RAD9B: variants seen among roughly 807,000 people sequenced by gnomAD.
The protein encoded by RAD9B is RAD9 checkpoint clamp component B, also known as cell cycle checkpoint control protein RAD9B.
RAD9B carries 41 observed loss-of-function variants against 48.3 expected under a neutral mutation model. The observed-to-expected ratio is 0.85, with a 90% CI of 0.66 to 1.10. The LOEUF (loss-of-function observed/expected upper bound fraction) is 1.10. Ranked by LOEUF, RAD9B falls within the 50% of genes least tolerant of loss-of-function variation. The pLI is 0.00. For synonymous variants in RAD9B, 160 were observed against 157.9 expected, an observed-to-expected ratio of 1.01 and a Z score of -0.10; for missense variants, 444 against 485.1, an observed-to-expected ratio of 0.92 and a Z score of 0.80.
chr12:110,528,577 C>T (rs957712773), intron 10 of RAD9B, among the ~76,000 whole-genome samples: 2 of 152,162 alleles, frequency 1.3e-5, no homozygotes, highest in East Asian at 3.8e-4. Flanking sequence ...GCTGGCTGAG[C>T]TGAGATTAGC....
chr12:110,507,064 T>C (rs1018056167), intron 4 of RAD9B, among the ~76,000 whole-genome samples: 19 of 152,006 alleles, frequency 1.2e-4, no homozygotes, highest in African/African-American at 4.1e-4. Context: ...GATCTCGAAC[T>C]CCTGACCTCA....
rs774028546 is a variant in RAD9B, at chr12:110,530,531, T to G, written c.1132T>G (p.Cys378Gly). ...GTTCCTTTTTTCCCTCCAGTTTTCTTGCATGTTCTTTGGAGCAGTTTCTTC... is the reference window on the plus strand; with the variant it reads ...GTTCCTTTTTTCCCTCCAGTTTTCTGGCATGTTCTTTGGAGCAGTTTCTTC... Reference protein sequence around the residue: ...PGSLCLRKFSCMFFGAVSSDQ... With the variant: ...PGSLCLRKFSGMFFGAVSSDQ... Residue 378 changes from cysteine (C) to glycine (G), a missense_variant, in exon 11 of 11, where the codon TGC becomes GGC. Coordinates refer to ENST00000409300, the MANE Select transcript of RAD9B (RefSeq NM_001286535.2). 3.1e-6 allele frequency: 5 copies of G among 1,613,794 alleles called. No individual in the cohort carries two copies. The highest frequency in any genetic ancestry group is 3.4e-6 in the Non-Finnish European group (4 of 1,179,810).
intron 10 of RAD9B, among the ~76,000 whole-genome samples, chr12:110,523,656 CA>C (rs1344419315): frequency 1.3e-5 from 2 of 152,132 alleles, no homozygotes; most frequent in African/African-American, 4.8e-5. Flanking sequence ...TTTTTCTAGT[CA>C]CACATATTGT....
intron 5 of RAD9B, 21 bp from the exon 6 acceptor site, chr12:110,515,029 A>T: frequency 1.4e-6 from 2 of 1,394,364 alleles, no homozygotes; most frequent in Non-Finnish European, 9.9e-7. Flanking sequence ...TAATGTTAAT[A>T]CTGTTCTTTA....
chr12:110,529,954 C>T (rs1308014113), intron 10 of RAD9B, among the ~76,000 whole-genome samples: 1 of 152,136 alleles, frequency 6.6e-6, no homozygotes, highest in African/African-American at 2.4e-5. Flanking sequence ...CTGGTGGAAG[C>T]TTTGATGGCT....
At position 110,530,806 on chromosome 12, in the gene RAD9B, C is replaced by G. The variant is rs2064117451; in HGVS notation, c.*153C>G. 1 of 1,425,558 alleles carries G rather than the reference C, an allele frequency of 7.0e-7. No individual in the cohort carries two copies. The highest frequency in any genetic ancestry group is 9.2e-7 in the Non-Finnish European group (1 of 1,091,306). 88.3% of individuals were successfully genotyped at this position (1,425,558 alleles called of 1,614,324 possible). A position where few individuals can be genotyped will look rare whatever the true frequency, so the allele number is the denominator to read the frequency against. On this transcript the variant is annotated 3_prime_UTR_variant, in exon 11 of 11. Transcript: ENST00000409300. ...AAACCACATCATCTTGTACAACAAC[C>G]ATATCTAGAAATAGCTGTTTGTCAA...
chr12:110,529,349 T>C (rs902671999), intron 10 of RAD9B, among the ~76,000 whole-genome samples: 2 of 151,890 alleles, frequency 1.3e-5, no homozygotes, highest in Admixed American at 1.3e-4. Context: ...TTCACTATGT[T>C]GGCCAGGCTG....
chr12:110,520,675 G>C (rs1473694458), intron 9 of RAD9B, among the ~76,000 whole-genome samples: 39 of 118,070 alleles, frequency 3.3e-4, no homozygotes, highest in African/African-American at 1.2e-3. Context: ...TTTTGAGACA[G>C]AATCTCACTC....
chr12:110,504,650 C>T (rs931582901), intron 2 of RAD9B, among the ~76,000 whole-genome samples: 2 of 152,010 alleles, frequency 1.3e-5, no homozygotes, highest in African/African-American at 2.4e-5. Flanking sequence ...CTGTAACTCC[C>T]TTATATATTG....
intron 10 of RAD9B, among the ~76,000 whole-genome samples, chr12:110,523,174 G>A (rs770387886): frequency 2.3e-4 from 35 of 152,084 alleles, no homozygotes; most frequent in Non-Finnish European, 4.3e-4. Flanking sequence ...AGTGACTCAC[G>A]CCTGTAACCC....
At chr12:110,518,376 CA>C (rs2063673732) in intron 6 of RAD9B, among the ~76,000 whole-genome samples, 1 of 151,844 alleles carries the variant, frequency 6.6e-6, no homozygotes, top group African/African-American at 2.4e-5. Context: ...AAGAAGAAAA[CA>C]AAAAATTTAT....
Position 110,530,325 on chromosome 12 carries a change from G to A in RAD9B, c.1126-200G>A, listed in dbSNP as rs192943369. Among the ~76,000 whole-genome samples, 352 of 152,220 alleles carry A rather than the reference G, an allele frequency of 2.3e-3. 2 individuals carry two copies. Among genetic ancestry groups the A allele is most frequent in the African/African-American group, 7.8e-3 (323 of 41,512 alleles). On this transcript the variant is annotated intron_variant, in intron 10 of 10. Transcript: ENST00000409300. ...CTCTCAAAGTACTGAGATTACAGGC[G>A]TGAGCCACCATGCGCGGCCAAGGTT...
chr12:110,521,904 T>G lies in RAD9B; in HGVS notation c.891-273T>G, dbSNP rs918082412. On this transcript the variant is annotated intron_variant, in intron 9 of 10. Transcript: ENST00000409300. ...TACACAATTTTATCATATAGATGTA[T>G]AGTAATTTACTTGACTTTTCCCCTA... 5.9e-5 allele frequency among the ~76,000 whole-genome samples: 9 copies of G among 152,284 alleles called. No homozygotes were observed. The East Asian group carries it at 1.5e-3, about 26-fold the overall frequency.
intron 9 of RAD9B, 51 bp downstream of exon 9, chr12:110,519,967 T>C: frequency 6.4e-7 from 1 of 1,563,966 alleles, no homozygotes. Context: ...CATCATAATC[T>C]TATTTTGAAA....
At chr12:110,509,044 A>G (rs2063378084) in intron 4 of RAD9B, among the ~76,000 whole-genome samples, 1 of 152,024 alleles carries the variant, frequency 6.6e-6, no homozygotes, top group African/African-American at 2.4e-5. Flanking sequence ...AGCTCACTGC[A>G]AGCTCCGCCT....
At chr12:110,519,712 C>T in intron 8 of RAD9B, 82 bp from the exon 9 acceptor site, 3 of 1,461,660 alleles carry the variant, frequency 2.1e-6, no homozygotes, top group Non-Finnish European at 2.7e-6. Context: ...CTTTTTAGTC[C>T]AGAATTAAGT....
At chr12:110,528,580 A>C (rs1432107041) in intron 10 of RAD9B, among the ~76,000 whole-genome samples, 1 of 152,208 alleles carries the variant, frequency 6.6e-6, no homozygotes, top group Non-Finnish European at 1.5e-5. Context: ...GGCTGAGCTG[A>C]GATTAGCCAG....
At chr12:110,528,707 G>T (rs2064024308) in intron 10 of RAD9B, among the ~76,000 whole-genome samples, 1 of 152,196 alleles carries the variant, frequency 6.6e-6, no homozygotes, top group African/African-American at 2.4e-5. Context: ...TGATATGGGG[G>T]TCAGTGAGGG....
At chr12:110,529,028 T>C (rs1490852484) in intron 10 of RAD9B, among the ~76,000 whole-genome samples, 1 of 148,872 alleles carries the variant, frequency 6.7e-6, no homozygotes, top group Non-Finnish European at 1.5e-5. Flanking sequence ...GTGCCGGGCC[T>C]GGAGAAGCTT....
Sources: allele counts gnomAD v4.1 joint callset (sites outside exome capture counted in the v4.1 genomes callset), GRCh38; gene constraint gnomAD v4.1.1; transcripts MANE v1.5; gene names NCBI Gene and HGNC (gene_info 2026-07-23, HGNC 2026-07-21).